The following DAB1 variants were observed in gnomAD, a reference collection of about 807,000 sequenced individuals.
DAB1 encodes DAB adaptor protein 1.
Under a neutral mutation model 64.6 loss-of-function variants are expected in DAB1, and 15 were observed. That is an observed-to-expected ratio of 0.23 (90% CI 0.16 to 0.36). The LOEUF (loss-of-function observed/expected upper bound fraction) is 0.36, where lower values mean the gene tolerates loss of function less well. Among genes scored for constraint, DAB1 ranks in the 10% least tolerant of loss-of-function variants. DAB1 has a pLI of 1.00. For synonymous variants in DAB1, 235 were observed against 251.9 expected (o/e 0.93, Z 0.64); for missense variants, 596 against 706.7 (o/e 0.84, Z 1.78).
chr1:57,093,066 G>T (rs1018292490), intron 4 of DAB1, among the ~76,000 whole-genome samples: 1 of 152,090 alleles, frequency 6.6e-6, no homozygotes, highest in Non-Finnish European at 1.5e-5. Flanking sequence ...GATAGACCTA[G>T]GCTCAAAGAG....
At chr1:58,334,670 T>C (rs1421934908) in intron 4 of DAB1, among the ~76,000 whole-genome samples, 1 of 148,810 alleles carries the variant, frequency 6.7e-6, no homozygotes, top group Non-Finnish European at 1.5e-5. Flanking sequence ...TTATATTATA[T>C]TGTATTATAT....
At chr1:58,440,358 G>C (rs573019211) in intron 3 of DAB1, among the ~76,000 whole-genome samples, 2 of 152,184 alleles carry the variant, frequency 1.3e-5, no homozygotes, top group Non-Finnish European at 2.9e-5. Flanking sequence ...ACAGTTCAAC[G>C]AGCAGGAGGG....
At chr1:58,390,130 G>T (rs1331654048) in intron 3 of DAB1, among the ~76,000 whole-genome samples, 1 of 152,100 alleles carries the variant, frequency 6.6e-6, no homozygotes, top group Non-Finnish European at 1.5e-5. Context: ...TGAGCTGAGA[G>T]CTATCTATTG....
intron 4 of DAB1, among the ~76,000 whole-genome samples, chr1:58,327,869 C>T (rs549262143): frequency 6.6e-6 from 1 of 152,236 alleles, no homozygotes; most frequent in Admixed American, 6.5e-5. Context: ...GTAAGCAGTC[C>T]ACATTTGTTA....
intron 3 of DAB1, among the ~76,000 whole-genome samples, chr1:58,471,533 A>G (rs1645358330): frequency 6.6e-6 from 1 of 152,180 alleles, no homozygotes; most frequent in African/African-American, 2.4e-5. Flanking sequence ...AAAAGTGGCT[A>G]TTGGCTGGTG....
chr1:57,709,820 C>T (rs779094352), intron 6 of DAB1, among the ~76,000 whole-genome samples: 5 of 152,072 alleles, frequency 3.3e-5, no homozygotes, highest in Non-Finnish European at 7.4e-5. Flanking sequence ...AGCTATGTTG[C>T]TTGTTCCTTA....
intron 5 of DAB1, among the ~76,000 whole-genome samples, chr1:58,118,011 C>T (rs1652452812): frequency 6.6e-6 from 1 of 151,880 alleles, no homozygotes; most frequent in Non-Finnish European, 1.5e-5. Context: ...CTCAAGTGAT[C>T]TCCTACCTCA....
chr1:57,801,096 C>A (rs887175831), intron 6 of DAB1, among the ~76,000 whole-genome samples: 1 of 152,194 alleles, frequency 6.6e-6, no homozygotes, highest in Admixed American at 6.5e-5. Flanking sequence ...CAAGACATAG[C>A]ATTTCTCTTC....
chr1:58,386,736 A>T (rs577461332), intron 3 of DAB1, among the ~76,000 whole-genome samples: 2 of 152,340 alleles, frequency 1.3e-5, no homozygotes, highest in South Asian at 4.1e-4. Flanking sequence ...GAAGGCTGTC[A>T]TACAGATCAA....
intron 7 of DAB1, among the ~76,000 whole-genome samples, chr1:57,595,247 A>T (rs147598184): frequency 1.4e-4 from 21 of 151,860 alleles, no homozygotes; most frequent in African/African-American, 5.1e-4. Context: ...TTAGATTCTA[A>T]ATTTTTTTTA....
At chr1:58,266,878 A>G (rs1004763154) in intron 4 of DAB1, among the ~76,000 whole-genome samples, 3 of 152,210 alleles carry the variant, frequency 2.0e-5, no homozygotes, top group African/African-American at 7.2e-5. Flanking sequence ...ACTGTAATCC[A>G]TCTTGGTGGT....
chr1:57,958,914 T>C (rs972397164), intron 5 of DAB1, among the ~76,000 whole-genome samples: 1 of 152,246 alleles, frequency 6.6e-6, no homozygotes, highest in Non-Finnish European at 1.5e-5. Context: ...CTTACCTCTG[T>C]CAAGCTCTGT....
intron 1 of DAB1, among the ~76,000 whole-genome samples, chr1:57,292,059 T>A (rs780791070): frequency 2.1e-4 from 32 of 152,176 alleles, no homozygotes; most frequent in Non-Finnish European, 3.8e-4. Flanking sequence ...AGTAAACATT[T>A]CACCAATTTC....
chr1:57,423,659 A>C (rs1685106107), intron 1 of DAB1, among the ~76,000 whole-genome samples: 1 of 151,864 alleles, frequency 6.6e-6, no homozygotes, highest in Non-Finnish European at 1.5e-5. Context: ...GCGTGGTCGG[A>C]AGTAGGGAGA....
chr1:57,514,986 T>A (rs1412142318), intron 7 of DAB1, among the ~76,000 whole-genome samples: 1 of 152,198 alleles, frequency 6.6e-6, no homozygotes, highest in East Asian at 1.9e-4. Context: ...ATTGTCTAGT[T>A]ACTCTCAGTT....
At chr1:57,737,516 A>G (rs1432355396) in intron 6 of DAB1, among the ~76,000 whole-genome samples, 1 of 152,188 alleles carries the variant, frequency 6.6e-6, no homozygotes, top group Non-Finnish European at 1.5e-5. Flanking sequence ...TGAGGGTTAA[A>G]TGAGTTAAAA....
At chr1:57,552,955 G>A (rs1297389040) in intron 7 of DAB1, among the ~76,000 whole-genome samples, 4 of 152,082 alleles carry the variant, frequency 2.6e-5, no homozygotes, top group East Asian at 3.9e-4. Flanking sequence ...TTAAGGGGCC[G>A]ATTGTATGAG....
intron 3 of DAB1, among the ~76,000 whole-genome samples, chr1:58,438,981 TG>T (rs1245674839): frequency 6.6e-6 from 1 of 151,138 alleles, no homozygotes; most frequent in South Asian, 2.1e-4. Context: ...GTAGGGAGGG[TG>T]GCATGAGGTG....
chr1:57,186,353 A>G (rs1663561817), intron 2 of DAB1, among the ~76,000 whole-genome samples: 1 of 152,100 alleles, frequency 6.6e-6, no homozygotes, highest in South Asian at 2.1e-4. Flanking sequence ...ACCATCCCCA[A>G]TCGATCAGTG....
Sources: gnomAD v4.1 joint callset for allele counts (sites outside exome capture counted in the v4.1 genomes callset) on GRCh38, gnomAD v4.1.1 for gene constraint, MANE v1.5 for transcripts, NCBI Gene and HGNC (gene_info 2026-07-23, HGNC 2026-07-21) for gene names.